The following KANSL1L variants were observed in gnomAD, a reference collection of about 807,000 sequenced individuals.
KANSL1L encodes the protein KAT8 regulatory NSL complex subunit 1 like.
Under a neutral mutation model 108.6 loss-of-function variants are expected in KANSL1L, and 25 were observed. That is an observed-to-expected ratio of 0.23 (90% CI 0.17 to 0.32). KANSL1L has a LOEUF of 0.32. Ranked by LOEUF, KANSL1L falls within the 10% of genes least tolerant of loss-of-function variation. The pLI is 1.00. For synonymous variants in KANSL1L, 405 were observed against 395.1 expected, an observed-to-expected ratio of 1.03 and a Z score of -0.30; for missense variants, 1,137 against 1,125.7, an observed-to-expected ratio of 1.01 and a Z score of -0.14.
At chr2:210,157,153 A>G (rs191616006) in intron 1 of KANSL1L, among the ~76,000 whole-genome samples, 205 of 152,092 alleles carry the variant, frequency 1.3e-3, no homozygotes, top group African/African-American at 4.7e-3. Context: ...CACCCACAAT[A>G]GTATTTAGTG....
chr2:210,030,499 CTTTTT>C (rs34540957), intron 9 of KANSL1L, among the ~76,000 whole-genome samples: 4 of 118,174 alleles, frequency 3.4e-5, no homozygotes, highest in Non-Finnish European at 5.2e-5. Flanking sequence ...CTTCCAAGTT[CTTTTT>C]TTTTTTTTTT....
intron 5 of KANSL1L, among the ~76,000 whole-genome samples, chr2:210,087,327 G>A (rs971769660): frequency 3.9e-5 from 6 of 151,980 alleles, no homozygotes; most frequent in East Asian, 3.9e-4. Context: ...CCATCCTCTT[G>A]TTGCTTTTAA....
chr2:210,138,275 T>A (rs1427330622), intron 2 of KANSL1L, among the ~76,000 whole-genome samples: 1 of 151,120 alleles, frequency 6.6e-6, no homozygotes, highest in Non-Finnish European at 1.5e-5. Flanking sequence ...TGGGTAAACA[T>A]AGACATAAAG....
intron 1 of KANSL1L, among the ~76,000 whole-genome samples, chr2:210,157,232 G>T (rs1294391704): frequency 6.6e-6 from 1 of 152,050 alleles, no homozygotes; most frequent in Non-Finnish European, 1.5e-5. Context: ...CTCCTCAAAA[G>T]ATACTAAACT....
intron 3 of KANSL1L, among the ~76,000 whole-genome samples, chr2:210,128,155 G>C (rs924623072): frequency 6.6e-6 from 1 of 152,140 alleles, no homozygotes; most frequent in Non-Finnish European, 1.5e-5. Context: ...CTTGTGTACT[G>C]CTGGTGGGAA....
chr2:210,038,708 A>G (rs1451531374), intron 8 of KANSL1L, among the ~76,000 whole-genome samples: 1 of 151,894 alleles, frequency 6.6e-6, no homozygotes, highest in Non-Finnish European at 1.5e-5. Context: ...TCAGTTTTTA[A>G]TTCTTCCAAA....
At chr2:210,043,844 T>C (rs2094194928) in intron 7 of KANSL1L, 95 bp downstream of exon 7, 1 of 881,300 alleles carries the variant, frequency 1.1e-6, no homozygotes, top group Non-Finnish European at 1.7e-6. Flanking sequence ...GAAAAAAAAT[T>C]GATAAAATAA....
Position 210,104,307 on chromosome 2 carries a change from C to A in KANSL1L, c.1231-6G>T. The A allele has an allele frequency of 1.2e-6, 2 of 1,604,786 alleles. No homozygotes were observed. Among genetic ancestry groups the A allele is most frequent in the Non-Finnish European group, 1.7e-6 (2 of 1,173,122 alleles). On this transcript the variant is annotated splice_polypyrimidine_tract_variant and splice_region_variant and intron_variant, in intron 3 of 14. Coordinates refer to ENST00000281772, the MANE Select transcript of KANSL1L (RefSeq NM_152519.4). The stretch of plus-strand genomic sequence containing the variant: ...TCTTCTAGGACCACTATCCCCTAGA[C>A]AAAAAACAATGAGAAAGTTGAAATG...
rs776725024 is a variant in KANSL1L at position 210,154,011 on chromosome 2, C to A, written c.572G>T (p.Gly191Val). ...DKVTDAEIKK[G>V]LLHCTQKKIV... is the part of the protein sequence containing the mutation. ...TTTCTTTTGAGTACAGTGCAATAAA[C>A]CCTTTTTAATCTCAGCATCAGTAAC... Residue 191 changes from glycine (G) to valine (V), a missense_variant, in exon 2 of 15, where the codon GGT (glycine) becomes GTT (valine). Physicochemically the swap from Gly to Val is moderately radical, Grantham distance 109. Coordinates refer to ENST00000281772, the MANE Select transcript of KANSL1L (RefSeq NM_152519.4). 25 of 1,613,762 alleles carry A rather than the reference C, an allele frequency of 1.5e-5. No individual in the cohort carries two copies. Among genetic ancestry groups the A allele is most frequent in the Middle Eastern group, 1.6e-4 (1 of 6,084 alleles).
intron 5 of KANSL1L, among the ~76,000 whole-genome samples, chr2:210,090,035 A>G (rs887374566): frequency 1.3e-5 from 2 of 151,822 alleles, no homozygotes; most frequent in African/African-American, 4.9e-5. Flanking sequence ...CACTTTTTTT[A>G]AAGAGTAAGA....
chr2:210,024,160 T>C lies in KANSL1L; in HGVS notation c.2606A>G (p.Lys869Arg). 1 of 1,607,132 alleles carries C rather than the reference T, an allele frequency of 6.2e-7. No individual in the cohort carries two copies. Among genetic ancestry groups the C allele is most frequent in the Non-Finnish European group, 8.5e-7 (1 of 1,176,788 alleles). The part of the protein sequence containing the change: ...KNVEGQDLLL[K>R]EYPNNFSSSQ... ...GCTACTGAAGTTATTAGGGTATTCT[T>C]TCAAAAGCAAGTCCTGTCCTTCAAC... is the stretch of plus-strand genomic sequence containing the variant. The change falls in exon 14 of 15, where the codon AAA (lysine) becomes AGA (arginine). Residue 869 changes from lysine (K) to arginine (R), a missense_variant. Lys to Arg is a conservative substitution (Grantham distance 26). This residue lies in a region of KANSL1L where 575 missense variants were observed against 567.1 expected (regional missense o/e 1.01). Transcript: ENST00000281772.
intron 3 of KANSL1L, among the ~76,000 whole-genome samples, chr2:210,113,805 G>A (rs2094930375): frequency 6.6e-6 from 1 of 152,148 alleles, no homozygotes; most frequent in African/African-American, 2.4e-5. Flanking sequence ...AAATTCACTA[G>A]AGGTATTCAA....
chr2:210,110,187 T>C (rs752977779), intron 3 of KANSL1L, among the ~76,000 whole-genome samples: 4 of 152,232 alleles, frequency 2.6e-5, no homozygotes, highest in Non-Finnish European at 2.9e-5. Flanking sequence ...CTCTGCTTCC[T>C]TGTGGGGATT....
At chr2:210,119,061 G>A (rs181184501) in intron 3 of KANSL1L, among the ~76,000 whole-genome samples, 1 of 152,156 alleles carries the variant, frequency 6.6e-6, no homozygotes, top group East Asian at 1.9e-4. Context: ...GCGCGCACCT[G>A]TAGTTGCAGC....
At chr2:210,063,043 G>C (rs749064477) in intron 6 of KANSL1L, among the ~76,000 whole-genome samples, 14 of 152,140 alleles carry the variant, frequency 9.2e-5, no homozygotes, top group Non-Finnish European at 1.5e-4. Context: ...TGATTTTGTG[G>C]GCTGGGCCCA....
chr2:210,157,859 A>T (rs918432077), intron 1 of KANSL1L, among the ~76,000 whole-genome samples: 2 of 151,986 alleles, frequency 1.3e-5, no homozygotes, highest in African/African-American at 4.8e-5. Context: ...AAAAAATGAT[A>T]GTGCCATTGC....
Position 210,022,772 on chromosome 2 carries a change from G to A in KANSL1L, c.*177C>T. ...CCACTTGTCTGTAGATGAAAATCTGGTTACCCTTATGGTTCCAGAAGGAAA... is the reference window on the plus strand; with the variant it reads ...CCACTTGTCTGTAGATGAAAATCTGATTACCCTTATGGTTCCAGAAGGAAA... On this transcript the variant is annotated 3_prime_UTR_variant, in exon 15 of 15. Coordinates refer to ENST00000281772, the MANE Select transcript of KANSL1L (RefSeq NM_152519.4). 1 of 569,822 alleles carries A rather than the reference G, an allele frequency of 1.8e-6. No individual in the cohort carries two copies. Among genetic ancestry groups the A allele is most frequent in the Non-Finnish European group, 3.1e-6 (1 of 322,754 alleles). 35.3% of individuals were successfully genotyped at this position (569,822 alleles called of 1,614,324 possible). A position where few individuals can be genotyped will look rare whatever the true frequency, so the allele number is the denominator to read the frequency against.
upstream of KANSL1L, chr2:210,171,420 G>C (rs1328801184): frequency 1.3e-5 from 2 of 158,054 alleles, no homozygotes; most frequent in African/African-American, 4.8e-5. Context: ...GGGAGCAGTG[G>C]GCGGGGCCCG....
chr2:210,088,132 C>T (rs1213419530), intron 5 of KANSL1L: 2 of 152,136 alleles, frequency 1.3e-5, no homozygotes. Flanking sequence ...TATAGATATA[C>T]AGCTATTTAT....
Sources: allele counts gnomAD v4.1 joint callset (sites outside exome capture counted in the v4.1 genomes callset), GRCh38; gene constraint gnomAD v4.1.1; regional missense constraint gnomAD v4.1.1; transcripts MANE v1.5; gene names NCBI Gene and HGNC (gene_info 2026-07-23, HGNC 2026-07-21).